The following PIK3C2G variants were observed in gnomAD, a reference collection of about 807,000 sequenced individuals.
The protein encoded by PIK3C2G is phosphatidylinositol 3-kinase C2 domain-containing subunit gamma.
In PIK3C2G, 168 loss-of-function variants were observed where a neutral mutation model predicts 181.1. That is an observed-to-expected ratio of 0.93 (90% CI 0.82 to 1.05). The LOEUF (loss-of-function observed/expected upper bound fraction) is 1.05, where lower values mean the gene tolerates loss of function less well. Ranked by LOEUF, PIK3C2G falls within the 50% of genes least tolerant of loss-of-function variation. The pLI is 0.00. For missense variants in PIK3C2G, 1,869 were observed against 1,732.8 expected, an observed-to-expected ratio of 1.08 and a Z score of -1.40; for synonymous variants, 573 against 592.2, an observed-to-expected ratio of 0.97 and a Z score of 0.47.
chr12:18,499,299 T>C (rs1941245347), intron 22 of PIK3C2G, among the ~76,000 whole-genome samples: 2 of 152,296 alleles, frequency 1.3e-5, no homozygotes, highest in South Asian at 4.1e-4. Context: ...AAAACAAATA[T>C]CATTTTTAGA....
intron 11 of PIK3C2G, among the ~76,000 whole-genome samples, chr12:18,347,765 C>T (rs1200750734): frequency 6.6e-6 from 1 of 151,804 alleles, no homozygotes; most frequent in Non-Finnish European, 1.5e-5. Flanking sequence ...GTGCAGTGAA[C>T]TGAGATCGTG....
intron 1 of PIK3C2G, among the ~76,000 whole-genome samples, chr12:18,275,907 C>A (rs1458364259): frequency 6.6e-6 from 1 of 152,100 alleles, no homozygotes; most frequent in East Asian, 1.9e-4. Flanking sequence ...AATGACATTG[C>A]TCACAGTTGT....
At chr12:18,377,431 G>C (rs994166392) in intron 13 of PIK3C2G, among the ~76,000 whole-genome samples, 3 of 152,122 alleles carry the variant, frequency 2.0e-5, no homozygotes, top group African/African-American at 7.2e-5. Context: ...ATATTAAAAA[G>C]TCTCAAAGTG....
At chr12:18,578,476 T>C (rs555260788) in intron 29 of PIK3C2G, among the ~76,000 whole-genome samples, 21 of 152,310 alleles carry the variant, frequency 1.4e-4, no homozygotes, top group African/African-American at 5.1e-4. Context: ...TGTAGTCAGA[T>C]TTTAACTATC....
chr12:18,700,350 T>A, the PIK3C2G span, among the ~76,000 whole-genome samples: 1 of 152,014 alleles, frequency 6.6e-6, no homozygotes, highest in East Asian at 1.9e-4. Flanking sequence ...TTTACACTTC[T>A]TTTTAGCCAT....
intron 24 of PIK3C2G, among the ~76,000 whole-genome samples, chr12:18,511,049 T>C (rs1349414809): frequency 6.6e-6 from 1 of 151,362 alleles, no homozygotes; most frequent in Non-Finnish European, 1.5e-5. Context: ...AAATTAAACT[T>C]TATTAGATTT....
intron 18 of PIK3C2G, among the ~76,000 whole-genome samples, chr12:18,483,240 C>A: frequency 6.6e-6 from 1 of 152,112 alleles, no homozygotes; most frequent in East Asian, 1.9e-4. Context: ...GCCATCAGAC[C>A]CTTTGTTTAG....
At chr12:18,261,367 G>A (rs899907811), upstream of PIK3C2G, among the ~76,000 whole-genome samples, 1 of 152,012 alleles carries the variant, frequency 6.6e-6, no homozygotes, top group African/African-American at 2.4e-5. Flanking sequence ...TTATGTCAAT[G>A]CAAACCTTTT....
chr12:18,550,507 T>G (rs1366722681), intron 26 of PIK3C2G, among the ~76,000 whole-genome samples: 2 of 151,900 alleles, frequency 1.3e-5, no homozygotes, highest in Non-Finnish European at 2.9e-5. Context: ...AATGCAGACC[T>G]CGTTGCACAT....
chr12:18,258,816 T>A (rs1228363262), upstream of PIK3C2G, among the ~76,000 whole-genome samples: 1 of 152,172 alleles, frequency 6.6e-6, no homozygotes, highest in African/African-American at 2.4e-5. Context: ...ATTTTGTTTA[T>A]GCTAGACATT....
At chr12:18,688,749 G>T in the PIK3C2G span, among the ~76,000 whole-genome samples, 3 of 151,872 alleles carry the variant, frequency 2.0e-5, no homozygotes, top group Non-Finnish European at 2.9e-5. Flanking sequence ...ACTTGTATTT[G>T]CCAAGCTAAT....
Position 18,293,901 on chromosome 12 carries a change from C to T in PIK3C2G, c.920C>T (p.Ala307Val). The T allele has an allele frequency of 7.1e-7, 1 of 1,411,248 alleles. No individual in the cohort carries two copies. Among genetic ancestry groups the T allele is most frequent in the Non-Finnish European group, 1.0e-6 (1 of 996,424 alleles). 87.4% of individuals were successfully genotyped at this position (1,411,248 alleles called of 1,614,324 possible). ...STQPLHFMPCANYLVKDLIAE... is the reference protein window; with the variant it reads ...STQPLHFMPCVNYLVKDLIAE... ...TTTTATTATTCCTCTTTTTCTTTAG[C>T]TAATTATCTTGTCAAAGATCTAATT... Residue 307 changes from alanine to valine, a missense_variant and splice_region_variant, in exon 5 of 33, where the codon GCT (alanine) becomes GTT (valine). Coordinates refer to ENST00000538779, the MANE Select transcript of PIK3C2G (RefSeq NM_001288772.2).
intron 16 of PIK3C2G, among the ~76,000 whole-genome samples, chr12:18,400,161 T>A (rs1052467043): frequency 2.0e-5 from 3 of 152,168 alleles, no homozygotes; most frequent in African/African-American, 7.2e-5. Flanking sequence ...AAACTAAAAA[T>A]GTCTTTAAAA....
the PIK3C2G span, among the ~76,000 whole-genome samples, chr12:18,719,807 C>T: frequency 1.9e-4 from 29 of 151,960 alleles, no homozygotes; most frequent in Admixed American, 5.2e-4. Flanking sequence ...TGTAGTAAAA[C>T]CTTCAGTTCT....
At chr12:18,409,913 G>T (rs1321557801) in intron 16 of PIK3C2G, among the ~76,000 whole-genome samples, 1 of 152,078 alleles carries the variant, frequency 6.6e-6, no homozygotes, top group Non-Finnish European at 1.5e-5. Flanking sequence ...ACATGGCTGG[G>T]CAGGAGGAAG....
intron 30 of PIK3C2G, among the ~76,000 whole-genome samples, chr12:18,596,542 G>A (rs1452543763): frequency 3.3e-5 from 5 of 152,052 alleles, no homozygotes; most frequent in Non-Finnish European, 7.4e-5. Context: ...ACACCCAGAA[G>A]ATAGTTATTT....
At chr12:18,597,883 G>C (rs530825075) in intron 30 of PIK3C2G, among the ~76,000 whole-genome samples, 4 of 152,176 alleles carry the variant, frequency 2.6e-5, no homozygotes, top group East Asian at 1.9e-4. Context: ...AATCATGAGT[G>C]AACTCCCATT....
chr12:18,564,360 A>G (rs1202540038), intron 28 of PIK3C2G, among the ~76,000 whole-genome samples: 1 of 151,500 alleles, frequency 6.6e-6, no homozygotes, highest in Non-Finnish European at 1.5e-5. Context: ...CTACAGTGAG[A>G]TTTTTGTTAA....
intron 31 of PIK3C2G, among the ~76,000 whole-genome samples, chr12:18,638,046 C>T (rs1949681202): frequency 6.6e-6 from 1 of 152,192 alleles, no homozygotes; most frequent in Non-Finnish European, 1.5e-5. Context: ...TCCATTCCTA[C>T]ACCTGTTACC....
Sources: gnomAD v4.1 joint callset for allele counts (sites outside exome capture counted in the v4.1 genomes callset) on GRCh38, gnomAD v4.1.1 for gene constraint, MANE v1.5 for transcripts, NCBI Gene and HGNC (gene_info 2026-07-23, HGNC 2026-07-21) for gene names.